Variants in DOCK4 observed in about 807,000 individuals in gnomAD.
DOCK4 encodes dedicator of cytokinesis protein 4.
Under a neutral mutation model 268.1 loss-of-function variants are expected in DOCK4, and 97 were observed. That is an observed-to-expected ratio of 0.36 (90% CI 0.31 to 0.43). The LOEUF (loss-of-function observed/expected upper bound fraction) is 0.43, where lower values mean the gene tolerates loss of function less well. DOCK4 is among the 20% of genes least tolerant of loss of function. The probability of loss-of-function intolerance (pLI) is 1.00; values close to 1 mark genes in which losing one functional copy is unlikely to be tolerated. For synonymous variants in DOCK4, 954 were observed against 887.2 expected (o/e 1.08, Z -1.34); for missense variants, 2,145 against 2,455.7 (o/e 0.87, Z 2.67).
At chr7:112,041,431 C>T (rs1186480146) in intron 1 of DOCK4, among the ~76,000 whole-genome samples, 4 of 152,102 alleles carry the variant, frequency 2.6e-5, no homozygotes, top group African/African-American at 7.2e-5. Flanking sequence ...TATATGAATA[C>T]ACAACAAATT....
In DOCK4 at chr7:111,746,381, C is replaced by T; in HGVS notation, c.4630G>A (p.Glu1544Lys). The change falls in exon 44 of 53, where the codon GAA (glutamate) becomes AAA (lysine). Residue 1544 changes from glutamate to lysine, a missense_variant. Coordinates refer to ENST00000428084, the MANE Select transcript of DOCK4 (RefSeq NM_001363540.2). ...FVKEYILSHP[E>K]DGEKIARLRE... ...AATCGTGCAATTTTCTCCCCATCTT[C>T]AGGGTGACTTAAGATATATTCTTTG... is the stretch of plus-strand genomic sequence containing the variant. 6.2e-7 allele frequency: 1 copy of T among 1,612,794 alleles called. No individual in the cohort carries two copies.
At chr7:112,030,827 T>G (rs1281893050) in intron 1 of DOCK4, among the ~76,000 whole-genome samples, 1 of 152,174 alleles carries the variant, frequency 6.6e-6, no homozygotes, top group Non-Finnish European at 1.5e-5. Context: ...ATTTCTCAGT[T>G]CATGAACTTT....
Position 112,030,743 on chromosome 7 carries a change from G to A in DOCK4, c.38-26612C>T, listed in dbSNP as rs527691379. On this transcript the variant is annotated intron_variant, in intron 1 of 52. Transcript: ENST00000428084. ...TAGAAGAAGTCTTCACAGAGGGATG[G>A]AGAGAGCTCTGATGATACAATGAAC... Among the ~76,000 whole-genome samples the A allele has an allele frequency of 3.3e-5, 5 of 152,290 alleles. No individual in the cohort carries two copies. In the South Asian group the frequency reaches 1.0e-3, roughly 32 times the overall value.
At chr7:111,811,468 C>A in intron 28 of DOCK4, among the ~76,000 whole-genome samples, 1 of 152,052 alleles carries the variant, frequency 6.6e-6, no homozygotes, top group East Asian at 1.9e-4. Flanking sequence ...AGAACCTTAC[C>A]AATGTTTCAT....
At chr7:112,102,653 T>C (rs1282936996) in intron 1 of DOCK4, among the ~76,000 whole-genome samples, 2 of 152,162 alleles carry the variant, frequency 1.3e-5, no homozygotes, top group Admixed American at 6.5e-5. Flanking sequence ...GTGCCATCTA[T>C]GAACTGGGGA....
chr7:111,819,585 G>A (rs952030135), intron 27 of DOCK4: 1 of 152,162 alleles, frequency 6.6e-6, no homozygotes, highest in African/African-American at 2.4e-5. Flanking sequence ...ACAAACTCTG[G>A]CAGAGCTTCA....
Position 111,868,288 on chromosome 7 carries a change from C to CT in DOCK4, c.2110-135dup, listed in dbSNP as rs1477121190. On this transcript the variant is annotated intron_variant, in intron 21 of 52. Coordinates refer to ENST00000428084, the MANE Select transcript of DOCK4 (RefSeq NM_001363540.2). ...ATGTAGACACCAAGGCCTTGTGAGG[C>CT]TTTTTTGAACAGTATTTACTTTAAG... The CT allele has an allele frequency of 7.0e-6, 4 of 570,100 alleles. No individual in the cohort carries two copies. In the South Asian group the frequency reaches 1.3e-4, roughly 19 times the overall value. The allele number at this position is 570,100 out of a possible 1,614,324, so 35.3% of individuals were successfully genotyped here. A position where few individuals can be genotyped will look rare whatever the true frequency, so the allele number is the denominator to read the frequency against.
chr7:111,974,482 T>C (rs1008184975), intron 8 of DOCK4, among the ~76,000 whole-genome samples: 2 of 142,698 alleles, frequency 1.4e-5, no homozygotes, highest in African/African-American at 5.2e-5. Flanking sequence ...AGGTGGCATA[T>C]TGAAGAGGGA....
At chr7:111,915,636 T>G in intron 13 of DOCK4, 143 bp downstream of exon 13, 1 of 688,110 alleles carries the variant, frequency 1.5e-6, no homozygotes, top group South Asian at 2.7e-5. Context: ...AAAATGTGCT[T>G]ACTTACAGTC....
intron 1 of DOCK4, among the ~76,000 whole-genome samples, chr7:112,005,141 G>C (rs761540219): frequency 1.4e-4 from 21 of 152,044 alleles, no homozygotes; most frequent in Non-Finnish European, 8.8e-5. Flanking sequence ...TTCTTAAAAG[G>C]CCAAAATTTT....
chr7:112,196,831 C>A (rs1017575808), intron 1 of DOCK4, among the ~76,000 whole-genome samples: 6 of 152,106 alleles, frequency 3.9e-5, no homozygotes, highest in Non-Finnish European at 5.9e-5. Context: ...TTGATATCAC[C>A]TTAAATATAC....
intron 1 of DOCK4, among the ~76,000 whole-genome samples, chr7:112,042,545 C>CA (rs367558869): frequency 5.3e-5 from 8 of 151,742 alleles, no homozygotes; most frequent in African/African-American, 1.5e-4. Flanking sequence ...CCACGAATGA[C>CA]AAAAAAACAG....
intron 43 of DOCK4, among the ~76,000 whole-genome samples, chr7:111,746,814 CTTT>C (rs59197701): frequency 0.24 from 26,336 of 109,996 alleles, 3,119 homozygotes; most frequent in South Asian, 0.37. Context: ...TCGGTCTTAT[CTTT>C]TTTTTTTTTT....
chr7:112,043,731 A>T (rs1804602077), intron 1 of DOCK4, among the ~76,000 whole-genome samples: 1 of 151,938 alleles, frequency 6.6e-6, no homozygotes, highest in Admixed American at 6.5e-5. Context: ...ATTTGACCTC[A>T]ATATGACTTC....
intron 36 of DOCK4, among the ~76,000 whole-genome samples, chr7:111,777,295 G>GA (rs1423034182): frequency 2.6e-5 from 4 of 152,118 alleles, no homozygotes; most frequent in Non-Finnish European, 5.9e-5. Flanking sequence ...TTAGATGAAG[G>GA]AAAACTTAGA....
chr7:111,838,755 C>A (rs781146275), intron 25 of DOCK4, among the ~76,000 whole-genome samples: 6 of 152,084 alleles, frequency 3.9e-5, no homozygotes, highest in Non-Finnish European at 5.9e-5. Context: ...CACAAGGAAG[C>A]TTTTGAAAGT....
At position 112,174,369 on chromosome 7, in the gene DOCK4, C is replaced by T. The variant is rs929032775; in HGVS notation, c.37+31733G>A. ...ATTCAGAAGCTCATCCAACTCATCACTTAATTCAAGGGTAAGCTGCTGACA... is the reference window on the plus strand; with the variant it reads ...ATTCAGAAGCTCATCCAACTCATCATTTAATTCAAGGGTAAGCTGCTGACA... On this transcript the variant is annotated intron_variant, in intron 1 of 52. Coordinates refer to ENST00000428084, the MANE Select transcript of DOCK4 (RefSeq NM_001363540.2). Among the ~76,000 whole-genome samples, 7 of 152,270 alleles carry T rather than the reference C, an allele frequency of 4.6e-5. No individual in the cohort carries two copies. The East Asian group carries it at 1.2e-3, about 25-fold the overall frequency.
intron 13 of DOCK4, among the ~76,000 whole-genome samples, chr7:111,902,807 T>C (rs980264905): frequency 6.6e-6 from 1 of 152,122 alleles, no homozygotes; most frequent in Non-Finnish European, 1.5e-5. Flanking sequence ...TCTCGCTCTG[T>C]CGCCCAGGCT....
At chr7:112,161,947 T>C (rs978162039) in intron 1 of DOCK4, among the ~76,000 whole-genome samples, 3 of 152,170 alleles carry the variant, frequency 2.0e-5, no homozygotes, top group African/African-American at 7.2e-5. Context: ...GGTTTCAACT[T>C]CCCAAGATCT....
Sources: allele counts gnomAD v4.1 joint callset (sites outside exome capture counted in the v4.1 genomes callset), GRCh38; gene constraint gnomAD v4.1.1; transcripts MANE v1.5; gene names NCBI Gene and HGNC (gene_info 2026-07-23, HGNC 2026-07-21).